The following CRYBA4 variants were observed in gnomAD, a reference collection of about 807,000 sequenced individuals.
The protein encoded by CRYBA4 is beta-crystallin A4.
A neutral mutation model predicts 31.7 loss-of-function variants in CRYBA4; 30 were observed. The observed-to-expected ratio is 0.95, with a 90% CI of 0.71 to 1.28. CRYBA4 has a LOEUF of 1.28. Ranked by LOEUF, CRYBA4 falls within the 50% of genes most tolerant of loss-of-function variation. The pLI, the probability that CRYBA4 is intolerant of heterozygous loss-of-function variation, is 0.00. For synonymous variants in CRYBA4, 102 were observed against 102.3 expected, an observed-to-expected ratio of 1.00 and a Z score of 0.02; for missense variants, 225 against 260.7, an observed-to-expected ratio of 0.86 and a Z score of 0.94.
At chr22:26,607,787 C>T in the CRYBA4 span, 3 of 1,549,564 alleles carry the variant, frequency 1.9e-6, no homozygotes, top group Non-Finnish European at 2.7e-6. Flanking sequence ...GCCACGCCTC[C>T]CTACCCACCA....
chr22:26,612,226 G>T, the CRYBA4 span: 1 of 1,420,136 alleles, frequency 7.0e-7, no homozygotes, highest in Non-Finnish European at 1.0e-6. Flanking sequence ...AGGGCAGAGT[G>T]AGGGGGGAGT....
chr22:26,613,039 C>A, the CRYBA4 span, among the ~76,000 whole-genome samples: 5 of 152,308 alleles, frequency 3.3e-5, no homozygotes, highest in Admixed American at 3.3e-4. Context: ...ACCAAGGACT[C>A]CTCCAGGGCA....
upstream of CRYBA4, among the ~76,000 whole-genome samples, chr22:26,619,530 G>C (rs1929466166): frequency 6.6e-6 from 1 of 152,198 alleles, no homozygotes; most frequent in Non-Finnish European, 1.5e-5. Flanking sequence ...GGGGCATCTG[G>C]ATAGGCTCCT....
At chr22:26,627,434 CTTTCTTTCTTTCCTTCTTTCTT>C (rs1929765024) in intron 4 of CRYBA4, among the ~76,000 whole-genome samples, 1 of 104,478 alleles carries the variant, frequency 9.6e-6, no homozygotes, top group East Asian at 3.8e-4. Context: ...CTTTTTCTTT[CTTTCTTTCTTTCCTTCTTTCTT>C]TTTCTTTCTT....
the CRYBA4 span, among the ~76,000 whole-genome samples, chr22:26,593,226 C>T: frequency 3.3e-5 from 5 of 152,186 alleles, no homozygotes; most frequent in African/African-American, 1.2e-4. Context: ...GAGGTTTTAT[C>T]AAAAGCAGGA....
chr22:26,616,326 CGCCTGCAAAAGTCTGTAAAGA>C, the CRYBA4 span: 1 of 1,612,256 alleles, frequency 6.2e-7, no homozygotes, highest in Non-Finnish European at 8.5e-7. Context: ...ACATGGTTCC[CGCCTGCAAAAGTCTGTAAAGA>C]AACTCTGGCC....
chr22:26,626,567 T>C (rs1929710340), intron 4 of CRYBA4, among the ~76,000 whole-genome samples: 1 of 152,222 alleles, frequency 6.6e-6, no homozygotes. Context: ...GAGTATCCCT[T>C]ACCTGAAATG....
chr22:26,623,756 C>G (rs968425209), intron 3 of CRYBA4, among the ~76,000 whole-genome samples: 1 of 122,162 alleles, frequency 8.2e-6, no homozygotes, highest in African/African-American at 3.1e-5. Context: ...GTGGCCTGAT[C>G]ATTTTTTGTA....
the CRYBA4 span, among the ~76,000 whole-genome samples, chr22:26,595,269 A>T: frequency 6.6e-6 from 1 of 152,154 alleles, no homozygotes. Context: ...AGTGATGCTA[A>T]TATGCACATT....
the CRYBA4 span, among the ~76,000 whole-genome samples, chr22:26,607,641 G>A: frequency 6.6e-6 from 1 of 151,530 alleles, no homozygotes; most frequent in Admixed American, 6.6e-5. Flanking sequence ...AGATGCTGAA[G>A]TTTTTAGCTC....
chr22:26,625,395 T>C (rs1176701308), intron 3 of CRYBA4, 86 bp from the exon 4 acceptor site: 1 of 1,497,176 alleles, frequency 6.7e-7, no homozygotes, highest in Non-Finnish European at 9.2e-7. Flanking sequence ...TGGTTGTGAC[T>C]GTGACCGTTC....
the CRYBA4 span, among the ~76,000 whole-genome samples, chr22:26,609,582 T>C: frequency 2.6e-5 from 4 of 152,000 alleles, no homozygotes; most frequent in Non-Finnish European, 5.9e-5. Flanking sequence ...GGGTGGGTGA[T>C]GGAGAACACA....
intron 4 of CRYBA4, among the ~76,000 whole-genome samples, chr22:26,625,852 ACT>A (rs1332061853): frequency 2.6e-5 from 4 of 151,258 alleles, no homozygotes; most frequent in Admixed American, 6.6e-5. Flanking sequence ...CCTGCCTTAA[ACT>A]CTCTGCTCAC....
the CRYBA4 span, among the ~76,000 whole-genome samples, chr22:26,599,890 G>A: frequency 6.6e-6 from 1 of 152,202 alleles, no homozygotes; most frequent in Non-Finnish European, 1.5e-5. Context: ...GCATGGTCAC[G>A]GTGCCTGGTT....
chr22:26,623,415 G>C (rs928317302), intron 3 of CRYBA4, 63 bp downstream of exon 3: 1 of 1,329,420 alleles, frequency 7.5e-7, no homozygotes, highest in African/African-American at 1.4e-5. Flanking sequence ...AGAGACGGGT[G>C]CTAGGACTTT....
At chr22:26,608,041 T>C in the CRYBA4 span, 10 of 1,614,080 alleles carry the variant, frequency 6.2e-6, no homozygotes, top group Non-Finnish European at 6.8e-6. Flanking sequence ...AGAAGGACCA[T>C]GAGGCAGACA....
chr22:26,612,196 G>A, the CRYBA4 span: 1 of 1,603,008 alleles, frequency 6.2e-7, no homozygotes, highest in Non-Finnish European at 8.5e-7. Flanking sequence ...ACCAGCTGCA[G>A]GAGAGAAGCC....
At chr22:26,601,838 C>T in the CRYBA4 span, 2 of 1,611,044 alleles carry the variant, frequency 1.2e-6, no homozygotes, top group African/African-American at 1.3e-5. Context: ...TCTGCCTGTG[C>T]TTGAAGCAGG....
upstream of CRYBA4, among the ~76,000 whole-genome samples, chr22:26,620,663 A>G (rs1052019394): frequency 5.4e-5 from 8 of 149,248 alleles, no homozygotes; most frequent in Non-Finnish European, 1.2e-4. Flanking sequence ...CTCCAGGTTC[A>G]AGCAATTCTC....
Sources: allele counts gnomAD v4.1 joint callset (sites outside exome capture counted in the v4.1 genomes callset), GRCh38; gene constraint gnomAD v4.1.1; transcripts MANE v1.5; gene names NCBI Gene and HGNC (gene_info 2026-07-23, HGNC 2026-07-21).